The following IFT52 variants were observed in gnomAD, a reference collection of about 807,000 sequenced individuals.
The protein encoded by IFT52 is intraflagellar transport 52.
In IFT52, 44 loss-of-function variants were observed where a neutral mutation model predicts 54.4. The ratio of observed to expected loss-of-function variants is 0.81; its 90% CI spans 0.63 to 1.04. The LOEUF is 1.04. Among genes scored for constraint, IFT52 ranks in the 50% least tolerant of loss-of-function variants. IFT52 has a pLI of 0.00. For synonymous variants in IFT52, 181 were observed against 185.3 expected (o/e 0.98, Z 0.19); for missense variants, 452 against 523.6 (o/e 0.86, Z 1.33).
chr20:43,610,271 G>A (rs1296039310), intron 6 of IFT52, among the ~76,000 whole-genome samples: 54 of 132,028 alleles, frequency 4.1e-4, no homozygotes, highest in African/African-American at 1.4e-3. Flanking sequence ...CAGCCTGGGC[G>A]ACAGAGCGAG....
At chr20:43,592,071 C>T (rs932953623) in intron 1 of IFT52, among the ~76,000 whole-genome samples, 1 of 152,128 alleles carries the variant, frequency 6.6e-6, no homozygotes, top group African/African-American at 2.4e-5. Flanking sequence ...AATAATTAAA[C>T]CAGTCGAGCG....
chr20:43,634,713 G>A (rs989329301), intron 10 of IFT52, among the ~76,000 whole-genome samples: 4 of 151,766 alleles, frequency 2.6e-5, no homozygotes, highest in African/African-American at 4.8e-5. Flanking sequence ...GTGTCATGGG[G>A]GTTTGTTGTA....
intron 7 of IFT52, 59 bp downstream of exon 7, chr20:43,614,035 C>G (rs899448179): frequency 1.4e-6 from 2 of 1,455,820 alleles, no homozygotes; most frequent in East Asian, 4.6e-5. Context: ...ATAATAAAAA[C>G]CACCTTACCA....
intron 3 of IFT52, among the ~76,000 whole-genome samples, chr20:43,599,590 A>G (rs886749493): frequency 6.6e-5 from 10 of 152,210 alleles, no homozygotes; most frequent in South Asian, 2.1e-4. Context: ...AGTTCTTCCA[A>G]TGGGCTCATG....
intron 12 of IFT52, among the ~76,000 whole-genome samples, chr20:43,641,621 G>A (rs1985926589): frequency 6.6e-6 from 1 of 151,736 alleles, no homozygotes; most frequent in African/African-American, 2.4e-5. Context: ...AGCCTCCCGA[G>A]TAGCTGGGAT....
intron 6 of IFT52, among the ~76,000 whole-genome samples, chr20:43,607,689 C>G (rs1043426314): frequency 1.1e-4 from 17 of 149,984 alleles, no homozygotes; most frequent in African/African-American, 4.2e-4. Context: ...AGGGGCTCCT[C>G]ACATCCCAGA....
chr20:43,595,873 G>A (rs1455521611), intron 2 of IFT52, among the ~76,000 whole-genome samples: 1 of 151,916 alleles, frequency 6.6e-6, no homozygotes, highest in Non-Finnish European at 1.5e-5. Context: ...GGAAACAGAG[G>A]GAGACTCTGT....
chr20:43,609,348 A>G (rs1164781089), intron 6 of IFT52, among the ~76,000 whole-genome samples: 5 of 152,248 alleles, frequency 3.3e-5, no homozygotes, highest in African/African-American at 9.6e-5. Context: ...TTATTTGTGT[A>G]TAGTAAAAGT....
At position 43,602,143 on chromosome 20, in the gene IFT52, T is replaced by TTTTATTTATTTA. The variant is rs1555801613; in HGVS notation, c.208-1589_208-1578dup. Among the ~76,000 whole-genome samples the TTTTATTTATTTA allele has an allele frequency of 8.4e-3, 1,226 of 145,616 alleles. 13 individuals are homozygous for TTTTATTTATTTA. The highest frequency in any genetic ancestry group is 0.017 in the African/African-American group (655 of 38,808). On this transcript the variant is annotated intron_variant, in intron 3 of 13. Coordinates refer to ENST00000373030, the MANE Select transcript of IFT52 (RefSeq NM_016004.5). ...GAAATGGACTTTGAGCTGATTTTTATTTTATTTATTTATTTATTTATTTAT... is the reference window on the plus strand; with the variant it reads ...GAAATGGACTTTGAGCTGATTTTTATTTTATTTATTTATTTATTTATTTATTTATTTATTTAT...
intron 6 of IFT52, among the ~76,000 whole-genome samples, chr20:43,607,237 ACGGGGCGGC>A: frequency 7.0e-6 from 1 of 143,064 alleles, no homozygotes; most frequent in African/African-American, 2.8e-5. Flanking sequence ...TCCCTCCCGG[ACGGGGCGGC>A]TGGCCGGGCG....
intron 3 of IFT52, among the ~76,000 whole-genome samples, chr20:43,602,291 A>G (rs1982527355): frequency 6.6e-6 from 1 of 151,626 alleles, no homozygotes. Context: ...CAGCCTCCCG[A>G]GTAGCGGGGA....
intron 6 of IFT52, among the ~76,000 whole-genome samples, chr20:43,611,981 G>GATCACGCCATTGCACTC (rs1983485551): frequency 6.6e-6 from 1 of 151,950 alleles, no homozygotes; most frequent in Non-Finnish European, 1.5e-5. Flanking sequence ...AGTAAGCTGA[G>GATCACGCCATTGCACTC]ATCACGCCAT....
chr20:43,640,431 G>A (rs957529254), intron 12 of IFT52, among the ~76,000 whole-genome samples: 1 of 152,170 alleles, frequency 6.6e-6, no homozygotes, highest in African/African-American at 2.4e-5. Context: ...CTGTACTCCA[G>A]TCTGGGTGAC....
chr20:43,593,668 C>G (rs919357017), intron 1 of IFT52, among the ~76,000 whole-genome samples: 1 of 152,146 alleles, frequency 6.6e-6, no homozygotes. Context: ...CTCTTGGGCT[C>G]AAGCAATCCT....
At chr20:43,636,043 G>A in intron 11 of IFT52, 30 bp downstream of exon 11, 2 of 1,600,654 alleles carry the variant, frequency 1.2e-6, no homozygotes, top group Non-Finnish European at 1.7e-6. Context: ...AGATCCCACT[G>A]CAGAGCCCCA....
At chr20:43,628,634 C>T (rs1330281124) in intron 10 of IFT52, among the ~76,000 whole-genome samples, 5 of 152,106 alleles carry the variant, frequency 3.3e-5, no homozygotes, top group African/African-American at 1.2e-4. Context: ...GAGCGGATCA[C>T]GAGGTCAGGA....
intron 6 of IFT52, among the ~76,000 whole-genome samples, chr20:43,609,635 G>A (rs1358826920): frequency 6.6e-6 from 1 of 151,948 alleles, no homozygotes; most frequent in Non-Finnish European, 1.5e-5. Context: ...ATTAGCCAAG[G>A]ATGGTGGCGG....
intron 3 of IFT52, among the ~76,000 whole-genome samples, chr20:43,602,521 GTT>G (rs1479156673): frequency 8.6e-5 from 13 of 151,414 alleles, no homozygotes; most frequent in Admixed American, 7.9e-4. Flanking sequence ...GTTGTGTTTC[GTT>G]TTTGAGATGG....
intron 12 of IFT52, among the ~76,000 whole-genome samples, chr20:43,641,223 T>G (rs188799727): frequency 2.6e-5 from 4 of 152,032 alleles, no homozygotes; most frequent in African/African-American, 4.8e-5. Flanking sequence ...GGTTTTGTTT[T>G]GTTTTGTTTT....
Sources: gnomAD v4.1 joint callset for allele counts (sites outside exome capture counted in the v4.1 genomes callset) on GRCh38, gnomAD v4.1.1 for gene constraint, MANE v1.5 for transcripts, NCBI Gene and HGNC (gene_info 2026-07-23, HGNC 2026-07-21) for gene names.